Variants in MAML1 observed in about 807,000 individuals in gnomAD.
MAML1 encodes mastermind like transcriptional coactivator 1.
MAML1 carries 14 observed loss-of-function variants against 77.1 expected under a neutral mutation model. That is an observed-to-expected ratio of 0.18 (90% CI 0.12 to 0.28). The LOEUF (loss-of-function observed/expected upper bound fraction) is 0.28. Among genes scored for constraint, MAML1 ranks in the 10% least tolerant of loss-of-function variants. MAML1 has a pLI of 1.00. For synonymous variants in MAML1, 516 were observed against 551.9 expected, an observed-to-expected ratio of 0.93 and a Z score of 0.91; for missense variants, 1,217 against 1,327.8, an observed-to-expected ratio of 0.92 and a Z score of 1.30.
rs1269345306 is a variant in MAML1, at chr5:179,768,891, C to T, written c.1773C>T (p.Thr591=). 18 of 1,614,052 alleles carry T rather than the reference C, an allele frequency of 1.1e-5. No individual in the cohort carries two copies. The highest frequency in any genetic ancestry group is 1.4e-5 in the Non-Finnish European group (17 of 1,180,050). Reference sequence around the variant, plus strand: ...GTGTCCCTGTGCAAGCCCAGGCTACCAGTGTTGGGACCCAGCCGCCTGCCG... The same window carrying T: ...GTGTCCCTGTGCAAGCCCAGGCTACTAGTGTTGGGACCCAGCCGCCTGCCG... ...PSSVPVQAQA[T]SVGTQPPAVS... The change falls in exon 3 of 5, where the codon ACC becomes ACT. Residue 591 remains threonine, a synonymous_variant. Coordinates refer to ENST00000292599, the MANE Select transcript of MAML1 (RefSeq NM_014757.5).
At position 179,777,024 on chromosome 5, in the gene MAML1, G is replaced by T; in HGVS notation, c.*2147G>T. 3 of 984,368 alleles carry T rather than the reference G, an allele frequency of 3.0e-6. No individual in the cohort carries two copies. The highest frequency in any genetic ancestry group is 3.6e-6 in the Non-Finnish European group (3 of 828,586). 61.0% of individuals were successfully genotyped at this position (984,368 alleles called of 1,614,324 possible). A position where few individuals can be genotyped will look rare whatever the true frequency, so the allele number is the denominator to read the frequency against. On this transcript the variant is annotated 3_prime_UTR_variant, in exon 5 of 5. Coordinates refer to ENST00000292599, the MANE Select transcript of MAML1 (RefSeq NM_014757.5). ...ATTTTATATGAAAGATGGAATAAGC[G>T]CTAGAGCTTCCAACTGTATATTTTT...
chr5:179,769,656 A>G lies in MAML1; in HGVS notation c.1971+567A>G, dbSNP rs1755934863. On this transcript the variant is annotated intron_variant, in intron 3 of 4. Transcript: ENST00000292599. The surrounding 1 kb of genome is among the most constrained non-coding windows in gnomAD (Gnocchi z 4.2). ...CAGCCTCCACCTCATGGGTTCATGC[A>G]ATTCTCCTGCCTCAGCCTCCCGAGT... 6.6e-6 allele frequency among the ~76,000 whole-genome samples: 1 copy of G among 151,878 alleles called. No homozygotes were observed. The highest frequency in any genetic ancestry group is 2.1e-4 in the South Asian group (1 of 4,810).
intron 1 of MAML1, among the ~76,000 whole-genome samples, chr5:179,755,965 C>T (rs1779606622): frequency 6.6e-6 from 1 of 151,210 alleles, no homozygotes; most frequent in South Asian, 2.1e-4. Flanking sequence ...AGGGTTTCAC[C>T]ATGTTGGCCA....
intron 1 of MAML1, among the ~76,000 whole-genome samples, chr5:179,762,741 C>G (rs554273520): frequency 6.5e-4 from 99 of 152,260 alleles, no homozygotes; most frequent in Middle Eastern, 3.4e-3. Context: ...AGTTCAGGCT[C>G]CAAGGCTCAC....
chr5:179,777,124 CGGTT>C lies in MAML1; in HGVS notation c.*2251_*2254del, dbSNP rs1756151439. 7.1e-6 allele frequency: 7 copies of C among 985,552 alleles called. No homozygotes were observed. The highest frequency in any genetic ancestry group is 8.4e-6 in the Non-Finnish European group (7 of 829,746). 61.1% of individuals were successfully genotyped at this position (985,552 alleles called of 1,614,324 possible). ...GAGCTATGATAAGTTTTATGGCAAA[CGGTT>C]GGTATTGTTAACTTTTTATTGTCAT... On this transcript the variant is annotated 3_prime_UTR_variant, in exon 5 of 5. Coordinates refer to ENST00000292599, the MANE Select transcript of MAML1 (RefSeq NM_014757.5).
intron 1 of MAML1, among the ~76,000 whole-genome samples, chr5:179,740,063 C>T (rs1779252119): frequency 6.6e-6 from 1 of 152,104 alleles, no homozygotes; most frequent in Non-Finnish European, 1.5e-5. Flanking sequence ...CTTAAGATGC[C>T]TTGATTTGAG....
intron 1 of MAML1, among the ~76,000 whole-genome samples, chr5:179,751,001 A>T (rs1779477910): frequency 6.6e-6 from 1 of 151,568 alleles, no homozygotes; most frequent in African/African-American, 2.4e-5. Flanking sequence ...TTAAATCAGA[A>T]TCTCGCTCTG....
At chr5:179,760,133 TAGAC>T (rs144994930) in intron 1 of MAML1, among the ~76,000 whole-genome samples, 1,761 of 152,204 alleles carry the variant, frequency 0.012, 28 homozygotes, top group African/African-American at 0.038. Context: ...GGTCTTCGGA[TAGAC>T]AGAAGTAAGA....
chr5:179,757,569 A>C (rs1388239930), intron 1 of MAML1, among the ~76,000 whole-genome samples: 1 of 152,036 alleles, frequency 6.6e-6, no homozygotes, highest in Non-Finnish European at 1.5e-5. Flanking sequence ...CTCCTCTCAA[A>C]AAAAAAAAGA....
intron 1 of MAML1, among the ~76,000 whole-genome samples, chr5:179,740,263 G>A (rs905101176): frequency 6.6e-5 from 10 of 152,224 alleles, no homozygotes; most frequent in African/African-American, 2.4e-4. Flanking sequence ...TAGCAGGATA[G>A]GGAGCAGAAA....
intron 4 of MAML1, among the ~76,000 whole-genome samples, chr5:179,772,475 G>A (rs777512900): frequency 6.6e-6 from 1 of 152,096 alleles, no homozygotes; most frequent in Non-Finnish European, 1.5e-5. Flanking sequence ...CTGAGTTACG[G>A]CCAATCCCTG....
chr5:179,775,572 G>T lies in MAML1; in HGVS notation c.*695G>T. On this transcript the variant is annotated 3_prime_UTR_variant, in exon 5 of 5. Transcript: ENST00000292599. ...TAGCAGGTCTGGTGACACAGCTAGG[G>T]TCTTCCTAGCAGCTCCTCCTCCTCC... 3 of 985,342 alleles carry T rather than the reference G, an allele frequency of 3.0e-6. No homozygotes were observed. Among genetic ancestry groups the T allele is most frequent in the Non-Finnish European group, 3.6e-6 (3 of 829,876 alleles). 61.0% of individuals were successfully genotyped at this position (985,342 alleles called of 1,614,324 possible). A position where few individuals can be genotyped will look rare whatever the true frequency, so the allele number is the denominator to read the frequency against.
At position 179,732,905 on chromosome 5, in the gene MAML1, G is replaced by A; in HGVS notation, c.-208G>A. 2 of 281,598 alleles carry A rather than the reference G, an allele frequency of 7.1e-6. No homozygotes were observed. The highest frequency in any genetic ancestry group is 1.3e-5 in the Non-Finnish European group (2 of 152,380). 17.4% of individuals were successfully genotyped at this position (281,598 alleles called of 1,614,324 possible). On this transcript the variant is annotated 5_prime_UTR_variant, in exon 1 of 5. Transcript: ENST00000292599. ...GGCCGGGGCGGTGGGGAGAGGCCGA[G>A]GCTTGAGGTAGGCAGCAAGCGCCGG... is the stretch of plus-strand genomic sequence containing the variant.
rs1056289878 is a variant in MAML1 at position 179,758,781 on chromosome 5, T to A, written c.316-6545T>A. Among the ~76,000 whole-genome samples the A allele has an allele frequency of 3.6e-4, 55 of 151,892 alleles. 1 individual carries two copies. The highest frequency in any genetic ancestry group is 1.2e-3 in the African/African-American group (48 of 41,326). On this transcript the variant is annotated intron_variant, in intron 1 of 4. Coordinates refer to ENST00000292599, the MANE Select transcript of MAML1 (RefSeq NM_014757.5). ...ACTTTGGGAGACCAAGGTGGGCAGATCACTTGAGGTCAGGAGTTCAAGACC... is the reference window on the plus strand; with the variant it reads ...ACTTTGGGAGACCAAGGTGGGCAGAACACTTGAGGTCAGGAGTTCAAGACC...
intron 4 of MAML1, among the ~76,000 whole-genome samples, chr5:179,773,230 G>A (rs928906293): frequency 6.6e-6 from 1 of 152,144 alleles, no homozygotes; most frequent in African/African-American, 2.4e-5. Flanking sequence ...CTATCTGGCC[G>A]GAACTAGCTC....
rs1384565102 is a variant in MAML1, at chr5:179,741,862, A to G, written c.315+8435A>G. On this transcript the variant is annotated intron_variant, in intron 1 of 4. Coordinates refer to ENST00000292599, the MANE Select transcript of MAML1 (RefSeq NM_014757.5). The stretch of plus-strand genomic sequence containing the variant: ...TTTTTCCCTCTGAGCATCTGCACAT[A>G]TTGGCTAAACAAATGTATTTTATTT... 2.0e-5 allele frequency among the ~76,000 whole-genome samples: 3 copies of G among 151,936 alleles called. No homozygotes were observed. The East Asian group carries it at 5.8e-4, about 30-fold the overall frequency.
intron 1 of MAML1, among the ~76,000 whole-genome samples, chr5:179,752,560 G>A (rs1779515375): frequency 7.3e-6 from 1 of 137,082 alleles, no homozygotes; most frequent in Non-Finnish European, 1.6e-5. Flanking sequence ...TAATGAGTAC[G>A]TTTGTACTGT....
chr5:179,763,304 C>A (rs1467880764), intron 1 of MAML1, among the ~76,000 whole-genome samples: 1 of 152,158 alleles, frequency 6.6e-6, no homozygotes, highest in Non-Finnish European at 1.5e-5. Context: ...ATTTTATGTG[C>A]GTGGTTCCCT....
At chr5:179,752,249 G>A (rs561345861) in intron 1 of MAML1, among the ~76,000 whole-genome samples, 19 of 146,692 alleles carry the variant, frequency 1.3e-4, no homozygotes, top group South Asian at 6.5e-4. Context: ...TCGCTTGAAC[G>A]CGGGAGGTGG....
Sources: gnomAD v4.1 joint callset for allele counts (sites outside exome capture counted in the v4.1 genomes callset) on GRCh38, gnomAD v4.1.1 for gene constraint, Gnocchi (gnomAD v3.1) non-coding constraint, MANE v1.5 for transcripts, NCBI Gene and HGNC (gene_info 2026-07-23, HGNC 2026-07-21) for gene names.